Variants in PCDHGA4 observed in about 807,000 individuals in gnomAD.
PCDHGA4 encodes the protein protocadherin gamma subfamily A, 4.
PCDHGA4 carries 38 observed loss-of-function variants against 54.6 expected under a neutral mutation model. The observed-to-expected ratio is 0.70, with a 90% CI of 0.54 to 0.91. PCDHGA4 has a LOEUF of 0.91. Among genes scored for constraint, PCDHGA4 ranks in the 40% least tolerant of loss-of-function variants. The pLI is 0.00. For missense variants in PCDHGA4, 1,298 were observed against 1,220.9 expected (o/e 1.06, Z -0.94); for synonymous variants, 511 against 512.9 (o/e 1.00, Z 0.05).
chr5:141,361,121 C>T, intron 1 of PCDHGA4: 1 of 1,613,950 alleles, frequency 6.2e-7, no homozygotes, highest in Non-Finnish European at 8.5e-7. Context: ...GATCTAGCAG[C>T]CCACTGCAGT....
chr5:141,371,438 CCTGGCTT>C (rs750409810), intron 1 of PCDHGA4: 1 of 1,613,882 alleles, frequency 6.2e-7, no homozygotes, highest in Non-Finnish European at 8.5e-7. Context: ...CGGAGATAAC[CCTGGCTT>C]CTGAATCCCA....
rs773825932 is a variant in PCDHGA4, at chr5:141,370,445, A to G, written c.2514+12824A>G. ...GCCCAGCAGGGCAGAGGCGAATGCT[A>G]TTTCTCTTCCTGCTCTCTTTGTTAG... On this transcript the variant is annotated intron_variant, in intron 1 of 3. Coordinates refer to ENST00000571252, the MANE Select transcript of PCDHGA4 (RefSeq NM_018917.4). The G allele has an allele frequency of 5.0e-6, 8 of 1,608,064 alleles. No homozygotes were observed. In the Admixed American group the frequency reaches 5.1e-5, roughly 10 times the overall value.
chr5:141,502,667 T>G (rs2099815574), intron 2 of PCDHGA4, among the ~76,000 whole-genome samples: 1 of 152,236 alleles, frequency 6.6e-6, no homozygotes. Context: ...TTCATGCAAT[T>G]TTAGTATTCC....
chr5:141,509,843 C>T (rs1596253565), intron 3 of PCDHGA4, among the ~76,000 whole-genome samples: 1 of 152,178 alleles, frequency 6.6e-6, no homozygotes, highest in African/African-American at 2.4e-5. Context: ...CTCCCATTCA[C>T]TCAGAACAGG....
In PCDHGA4 at chr5:141,356,469, T is replaced by A; in HGVS notation, c.1362T>A (p.Thr454=). 1 of 1,613,784 alleles carries A rather than the reference T, an allele frequency of 6.2e-7. No individual in the cohort carries two copies. Among genetic ancestry groups the A allele is most frequent in the Non-Finnish European group, 8.5e-7 (1 of 1,179,788 alleles). Residue 454 remains threonine, a synonymous_variant, in exon 1 of 4, where the codon ACT becomes ACA. Transcript: ENST00000571252. ...TCTCAGAATATAACATCACTGTAAC[T>A]GCCACTGACCAGGGAACTCCTCCAC... ...EEVSEYNITV[T]ATDQGTPPLS...
In PCDHGA4 at chr5:141,431,716, G is replaced by T; in HGVS notation, c.2515-63091G>T. On this transcript the variant is annotated intron_variant, in intron 1 of 3. Transcript: ENST00000571252. The surrounding 1 kb of genome is among the most constrained non-coding windows in gnomAD (Gnocchi z 4.8). ...AGTCAGGATTCTACCAGATGGAAGT[G>T]CAAGCAATGGATAATGCAGGATATT... 1 of 1,614,244 alleles carries T rather than the reference G, an allele frequency of 6.2e-7. No homozygotes were observed. Among genetic ancestry groups the T allele is most frequent in the Middle Eastern group, 1.6e-4 (1 of 6,062 alleles).
chr5:141,375,133 A>C, intron 1 of PCDHGA4: 1 of 1,613,958 alleles, frequency 6.2e-7, no homozygotes, highest in South Asian at 1.1e-5. Context: ...TGGTTGTTAC[A>C]TCTGGAAGCA....
At chr5:141,502,139 C>G (rs923501238) in intron 2 of PCDHGA4, among the ~76,000 whole-genome samples, 1 of 152,104 alleles carries the variant, frequency 6.6e-6, no homozygotes, top group Non-Finnish European at 1.5e-5. Flanking sequence ...TCAGTCGGGC[C>G]GGAAGTAAGG....
chr5:141,494,950 A>T, intron 2 of PCDHGA4, 85 bp downstream of exon 2: 2 of 1,607,070 alleles, frequency 1.2e-6, no homozygotes, highest in African/African-American at 2.7e-5. Context: ...AGGGCCCAGC[A>T]TTTGCTACAG....
At chr5:141,390,355 T>C in intron 1 of PCDHGA4, 1 of 1,554,132 alleles carries the variant, frequency 6.4e-7, no homozygotes, top group Non-Finnish European at 8.8e-7. Flanking sequence ...AATATACATA[T>C]TTGCAGGAAA....
intron 1 of PCDHGA4, chr5:141,362,309 A>C: frequency 1.2e-6 from 2 of 1,613,904 alleles, no homozygotes; most frequent in Non-Finnish European, 1.7e-6. Context: ...GATGCTTGGG[A>C]CTGTTTTCAG....
At chr5:141,389,714 C>A in intron 1 of PCDHGA4, 1 of 1,612,536 alleles carries the variant, frequency 6.2e-7, no homozygotes, top group South Asian at 1.1e-5. Flanking sequence ...TGCAGGCTAG[C>A]GAGCCCGGGC....
At chr5:141,433,031 T>G (rs2097561851) in intron 1 of PCDHGA4, 2 of 1,614,088 alleles carry the variant, frequency 1.2e-6, no homozygotes, top group Non-Finnish European at 8.5e-7. Flanking sequence ...CCACGAGGTT[T>G]CCCTCACCAC....
intron 1 of PCDHGA4, among the ~76,000 whole-genome samples, chr5:141,438,615 TATATATATATATATATATATACACACAC>T (rs2098021754): frequency 1.1e-4 from 4 of 35,920 alleles, no homozygotes; most frequent in Non-Finnish European, 1.8e-4. Flanking sequence ...TATATATATA[TATATATATATATATATATATACACACAC>T]ACACACACAT....
In PCDHGA4 at chr5:141,418,344, T is replaced by C. The variant is rs746519142; in HGVS notation, c.2514+60723T>C. On this transcript the variant is annotated intron_variant, in intron 1 of 3. Transcript: ENST00000571252. ...CTTGAGTCTGCAGAAGATCCTGATA[T>C]TAGTATGAATTCGCTGAGCAAATAC... 4.3e-6 allele frequency: 7 copies of C among 1,613,890 alleles called. No individual in the cohort carries two copies. The highest frequency in any genetic ancestry group is 2.2e-5 in the South Asian group (2 of 91,086).
intron 1 of PCDHGA4, chr5:141,399,397 G>C: frequency 1.2e-6 from 2 of 1,613,940 alleles, no homozygotes; most frequent in Non-Finnish European, 8.5e-7. Context: ...CACAGACAGG[G>C]GCAAGCCGCC....
intron 1 of PCDHGA4, among the ~76,000 whole-genome samples, chr5:141,401,931 A>C: frequency 6.6e-6 from 1 of 152,352 alleles, no homozygotes; most frequent in Middle Eastern, 3.4e-3. Context: ...GATGCTTAGA[A>C]TAATGTTTAA....
intron 1 of PCDHGA4, among the ~76,000 whole-genome samples, chr5:141,471,118 A>G (rs58897068): frequency 0.11 from 15,938 of 141,604 alleles, 871 homozygotes; most frequent in South Asian, 0.16. Flanking sequence ...GTGCGATCTT[A>G]CCTTCACTGC....
At chr5:141,427,700 C>A in intron 1 of PCDHGA4, 3 of 945,490 alleles carry the variant, frequency 3.2e-6, no homozygotes, top group South Asian at 2.7e-5. Flanking sequence ...TCCCACAAGT[C>A]AGCGCCTCTG....
Sources: gnomAD v4.1 joint callset for allele counts (sites outside exome capture counted in the v4.1 genomes callset) on GRCh38, gnomAD v4.1.1 for gene constraint, Gnocchi (gnomAD v3.1) non-coding constraint, MANE v1.5 for transcripts, NCBI Gene and HGNC (gene_info 2026-07-23, HGNC 2026-07-21) for gene names.